PTPRG: variants seen among roughly 807,000 people sequenced by gnomAD.
PTPRG encodes protein tyrosine phosphatase receptor type G.
Under a neutral mutation model 165.3 loss-of-function variants are expected in PTPRG, and 102 were observed. The observed-to-expected ratio is 0.62, with a 90% confidence interval of 0.53 to 0.73. The LOEUF (loss-of-function observed/expected upper bound fraction) is 0.73. PTPRG is among the 30% of genes least tolerant of loss of function. The pLI, the probability that PTPRG is intolerant of heterozygous loss-of-function variation, is 0.00. For synonymous variants in PTPRG, 675 were observed against 669.5 expected (o/e 1.01, Z -0.13); for missense variants, 1,866 against 1,861.4 (o/e 1.00, Z -0.05).
intron 1 of PTPRG, among the ~76,000 whole-genome samples, chr3:61,632,368 C>T (rs1173643301): frequency 1.3e-5 from 2 of 152,096 alleles, no homozygotes; most frequent in African/African-American, 4.8e-5. Flanking sequence ...TTATAAGGCA[C>T]ATAGGTGTAA....
chr3:62,033,917 G>A (rs755404935), intron 4 of PTPRG, among the ~76,000 whole-genome samples: 8 of 152,128 alleles, frequency 5.3e-5, no homozygotes, highest in African/African-American at 1.2e-4. Flanking sequence ...ACAGGCGCCC[G>A]CTAATGCCCA....
intron 2 of PTPRG, among the ~76,000 whole-genome samples, chr3:61,929,643 T>C (rs891530076): frequency 6.6e-6 from 1 of 152,218 alleles, no homozygotes; most frequent in Non-Finnish European, 1.5e-5. Flanking sequence ...CTGAGATGAA[T>C]AGAGTGCATT....
At chr3:62,140,851 CAAAA>C (rs58630476) in intron 6 of PTPRG, among the ~76,000 whole-genome samples, 2 of 71,194 alleles carry the variant, frequency 2.8e-5, no homozygotes, top group South Asian at 4.8e-4. Context: ...GACTCGGTCT[CAAAA>C]AAAAAAAAAA....
At chr3:61,987,969 A>T (rs40003) in intron 2 of PTPRG, among the ~76,000 whole-genome samples, 68,873 of 152,032 alleles carry the variant, frequency 0.45, 16,505 homozygotes, top group East Asian at 0.62. Flanking sequence ...AGTCATAGGG[A>T]ATTTGACAAA....
At chr3:62,262,759 T>C (rs886421100) in intron 16 of PTPRG, 39 bp from the exon 17 acceptor site, 18 of 1,504,890 alleles carry the variant, frequency 1.2e-5, no homozygotes, top group Non-Finnish European at 1.7e-5. Context: ...TTCCTTTGTT[T>C]CTAAACTGTG....
chr3:61,736,420 T>G (rs945547415), intron 1 of PTPRG, among the ~76,000 whole-genome samples: 4 of 151,806 alleles, frequency 2.6e-5, no homozygotes, highest in African/African-American at 9.7e-5. Context: ...CTGTGAATAC[T>G]TGTATTTGGC....
In PTPRG at chr3:62,195,089, G is replaced by A. The variant is rs748977953; in HGVS notation, c.1246G>A (p.Asp416Asn). 35 of 1,614,052 alleles carry A rather than the reference G, an allele frequency of 2.2e-5. No homozygotes were observed. The highest frequency in any genetic ancestry group is 2.7e-5 in the African/African-American group (2 of 74,926). ...AGCCACCATTAGCCATGTCTCACCC[G>A]ATAGCCTTTACCTGTTCCGAGTCCA... The part of the protein sequence containing the change: ...LKATISHVSP[D>N]SLYLFRVQAV... Residue 416 changes from aspartate to asparagine, a missense_variant, in exon 10 of 30, where the codon GAT becomes AAT. Physicochemically the swap from Asp to Asn is conservative, Grantham distance 23 (BLOSUM62 1). Coordinates refer to ENST00000474889, the MANE Select transcript of PTPRG (RefSeq NM_002841.4). This position sits in a 1 kb window ranked among gnomAD's most constrained non-coding sequence, Gnocchi z 4.4.
chr3:61,652,676 A>G (rs548586442), intron 1 of PTPRG, among the ~76,000 whole-genome samples: 2 of 152,294 alleles, frequency 1.3e-5, no homozygotes, highest in South Asian at 4.1e-4. Flanking sequence ...GGGATTCTCA[A>G]CCTTAGCACT....
chr3:62,113,928 A>T (rs965120786), intron 5 of PTPRG, among the ~76,000 whole-genome samples: 1 of 152,208 alleles, frequency 6.6e-6, no homozygotes, highest in Non-Finnish European at 1.5e-5. Flanking sequence ...TCATCCTCTG[A>T]TAAAAAATAC....
At chr3:61,743,061 T>C (rs1575625767) in intron 1 of PTPRG, 1 of 1,591,876 alleles carries the variant, frequency 6.3e-7, no homozygotes. Context: ...GGTGCAGGAC[T>C]TCCCGCACCG....
At chr3:62,023,618 G>A (rs928749330) in intron 4 of PTPRG, among the ~76,000 whole-genome samples, 7 of 151,928 alleles carry the variant, frequency 4.6e-5, no homozygotes, top group Non-Finnish European at 5.9e-5. Flanking sequence ...AATCTTTTTC[G>A]TGCACAGTTA....
At chr3:62,001,973 G>A (rs1263772064) in intron 3 of PTPRG, among the ~76,000 whole-genome samples, 1 of 152,186 alleles carries the variant, frequency 6.6e-6, no homozygotes. Flanking sequence ...ACAGAGTGAA[G>A]GTGGCACAGT....
chr3:62,282,988 A>T, intron 28 of PTPRG, 119 bp downstream of exon 28: 1 of 863,588 alleles, frequency 1.2e-6, no homozygotes, highest in South Asian at 1.7e-5. Flanking sequence ...GCTTGTGACA[A>T]CTCCATGTTA....
chr3:61,858,007 A>G (rs2037160648), intron 2 of PTPRG, among the ~76,000 whole-genome samples: 1 of 152,174 alleles, frequency 6.6e-6, no homozygotes, highest in Admixed American at 6.5e-5. Context: ...TCTCCCAGAC[A>G]TTGCAGAATC....
chr3:61,837,526 C>T (rs1303799058), intron 2 of PTPRG, among the ~76,000 whole-genome samples: 5 of 152,132 alleles, frequency 3.3e-5, no homozygotes, highest in Middle Eastern at 3.2e-3. Context: ...AGGCTGAATA[C>T]GGAGGTGCAG....
chr3:62,287,268 A>ATGAC (rs948301621), intron 28 of PTPRG, among the ~76,000 whole-genome samples: 1 of 152,114 alleles, frequency 6.6e-6, no homozygotes, highest in African/African-American at 2.4e-5. Context: ...ATCAGTACAA[A>ATGAC]TGACTTTTTT....
chr3:61,576,218 T>G lies in PTPRG; in HGVS notation c.85+13846T>G, dbSNP rs542757822. 1.4e-3 allele frequency among the ~76,000 whole-genome samples: 208 copies of G among 152,202 alleles called. 6 individuals carry two copies. The South Asian group carries it at 0.041, about 30-fold the overall frequency. On this transcript the variant is annotated intron_variant, in intron 1 of 29. Coordinates refer to ENST00000474889, the MANE Select transcript of PTPRG (RefSeq NM_002841.4). ...TGTTTGTTTGTTTTTTTGACAGAGG[T>G]TTAGCAAAGATGGCTTTTAGGATTT...
intron 12 of PTPRG, 146 bp from the exon 13 acceptor site, chr3:62,218,705 G>A (rs1036077013): frequency 2.3e-5 from 24 of 1,029,300 alleles, no homozygotes; most frequent in Middle Eastern, 2.1e-4. Context: ...TGAGGGCTGC[G>A]GATTGCCCCT....
intron 2 of PTPRG, among the ~76,000 whole-genome samples, chr3:61,765,190 G>C (rs1002510261): frequency 6.6e-6 from 1 of 152,200 alleles, no homozygotes; most frequent in Non-Finnish European, 1.5e-5. Flanking sequence ...GAGTGTCATG[G>C]TGTTCAATCA....
Sources: gnomAD v4.1 joint callset for allele counts (sites outside exome capture counted in the v4.1 genomes callset) on GRCh38, gnomAD v4.1.1 for gene constraint, Gnocchi (gnomAD v3.1) non-coding constraint, MANE v1.5 for transcripts, NCBI Gene and HGNC (gene_info 2026-07-23, HGNC 2026-07-21) for gene names.